Variants in TLN2 observed in about 807,000 individuals in gnomAD.
TLN2 encodes the protein talin-2.
In TLN2, 118 loss-of-function variants were observed where a neutral mutation model predicts 294.7. The observed-to-expected ratio is 0.40, with a 90% CI of 0.34 to 0.47. The LOEUF (loss-of-function observed/expected upper bound fraction) is 0.47, where lower values mean the gene tolerates loss of function less well. TLN2 is among the 20% of genes least tolerant of loss of function. TLN2 has a pLI of 0.84. For missense variants in TLN2, 3,083 were observed against 3,282.2 expected (o/e 0.94, Z 1.48); for synonymous variants, 1,431 against 1,304.5 (o/e 1.10, Z -2.09).
intron 2 of TLN2, among the ~76,000 whole-genome samples, chr15:62,598,996 C>G (rs373449393): frequency 4.6e-5 from 7 of 152,256 alleles, no homozygotes; most frequent in African/African-American, 1.7e-4. Context: ...GAATTCTTCT[C>G]TGTTTTCCCC....
At position 62,708,540 on chromosome 15, in the gene TLN2, G is replaced by C; in HGVS notation, c.2211G>C (p.Glu737Asp). The C allele has an allele frequency of 1.2e-6, 2 of 1,614,120 alleles. No individual in the cohort carries two copies. Among genetic ancestry groups the C allele is most frequent in the East Asian group, 2.2e-5 (1 of 44,878 alleles). Residue 737 changes from glutamate to aspartate, a missense_variant, in exon 21 of 59, where the codon GAG becomes GAC. By Grantham distance (45) the Glu-to-Asp change is conservative (BLOSUM62 2). Coordinates refer to ENST00000636159, the MANE Select transcript of TLN2 (RefSeq NM_015059.3). Reference protein sequence around the residue: ...SPTISSPVCQEQLIEAGKLVD... With the variant: ...SPTISSPVCQDQLIEAGKLVD... ...CTATTAGCTCCCCTGTGTGCCAGGA[G>C]CAGCTGATTGAAGCAGGGAAGCTGG...
At chr15:62,790,897 C>T (rs1001427920) in intron 45 of TLN2, among the ~76,000 whole-genome samples, 10 of 152,226 alleles carry the variant, frequency 6.6e-5, no homozygotes, top group Non-Finnish European at 1.0e-4. Flanking sequence ...GCAGAGCTGC[C>T]GTGTTGTGCA....
intron 1 of TLN2, among the ~76,000 whole-genome samples, chr15:62,550,461 G>C (rs888644992): frequency 1.3e-5 from 2 of 152,150 alleles, no homozygotes; most frequent in African/African-American, 4.8e-5. Context: ...GAATGCTCTT[G>C]AGTAACTTTG....
chr15:62,694,875 G>C (rs531630107), intron 14 of TLN2, among the ~76,000 whole-genome samples: 1 of 152,152 alleles, frequency 6.6e-6, no homozygotes, highest in Admixed American at 6.5e-5. Context: ...TAAGAATATG[G>C]ACTCAAATCT....
intron 12 of TLN2, among the ~76,000 whole-genome samples, chr15:62,689,935 A>G (rs1336540612): frequency 2.0e-4 from 1 of 5,056 alleles, no homozygotes; most frequent in African/African-American, 4.9e-4. Context: ...CGGGGGGCTG[A>G]CCCCCCCCAC....
intron 2 of TLN2, among the ~76,000 whole-genome samples, chr15:62,605,198 A>C (rs1042204060): frequency 6.6e-6 from 1 of 152,220 alleles, no homozygotes. Context: ...GAGGTGAATT[A>C]CAGTGTAGGT....
intron 9 of TLN2, among the ~76,000 whole-genome samples, chr15:62,673,563 CTCTTT>C (rs1181137372): frequency 7.3e-4 from 6 of 8,258 alleles, no homozygotes; most frequent in Admixed American, 2.5e-3. Flanking sequence ...TACTCTTGTG[CTCTTT>C]TTTTTTTTTT....
intron 11 of TLN2, among the ~76,000 whole-genome samples, chr15:62,681,578 T>A (rs2056833298): frequency 6.6e-6 from 1 of 152,168 alleles, no homozygotes; most frequent in Non-Finnish European, 1.5e-5. Flanking sequence ...GTTGGGAAGA[T>A]TGGCCTAGAA....
chr15:62,703,526 T>C (rs2058847727), intron 19 of TLN2, among the ~76,000 whole-genome samples: 1 of 152,026 alleles, frequency 6.6e-6, no homozygotes, highest in Non-Finnish European at 1.5e-5. Flanking sequence ...TGGCCAGTCT[T>C]ACTTTATCTG....
In TLN2 at chr15:62,642,926, T is replaced by C. The variant is rs1346165660; in HGVS notation, c.-36-4349T>C. On this transcript the variant is annotated intron_variant, in intron 3 of 58. Coordinates refer to ENST00000636159, the MANE Select transcript of TLN2 (RefSeq NM_015059.3). Reference sequence around the variant, plus strand: ...CATGTTGGCCAGGCTGGTCTTGAACTCCTGACCTCAGGTGATCTGCCCAAC... The same window carrying C: ...CATGTTGGCCAGGCTGGTCTTGAACCCCTGACCTCAGGTGATCTGCCCAAC... Among the ~76,000 whole-genome samples the C allele has an allele frequency of 3.3e-5, 5 of 152,322 alleles. No individual in the cohort carries two copies. The East Asian group carries it at 5.8e-4, about 18-fold the overall frequency.
chr15:62,667,256 G>C (rs577683158), intron 9 of TLN2, among the ~76,000 whole-genome samples: 1 of 152,144 alleles, frequency 6.6e-6, no homozygotes. Context: ...GTGAGCCACC[G>C]TGCCTGGCGA....
chr15:62,734,057 T>A (rs922433268), intron 28 of TLN2: 1 of 152,182 alleles, frequency 6.6e-6, no homozygotes, highest in Non-Finnish European at 1.5e-5. Context: ...CTCATCTCTC[T>A]CAAGAAGATC....
At chr15:62,680,200 A>G (rs1486492899) in intron 11 of TLN2, among the ~76,000 whole-genome samples, 9 of 152,174 alleles carry the variant, frequency 5.9e-5, no homozygotes, top group Admixed American at 5.2e-4. Flanking sequence ...ATCTATGTCT[A>G]CCAAAAGGCT....
At chr15:62,407,652 C>G (rs574515239) in intron 1 of TLN2, among the ~76,000 whole-genome samples, 1 of 152,160 alleles carries the variant, frequency 6.6e-6, no homozygotes, top group Non-Finnish European at 1.5e-5. Context: ...CGCAATGGCT[C>G]ATGCCTGTAA....
chr15:62,585,041 G>A (rs1423547029), intron 1 of TLN2, among the ~76,000 whole-genome samples: 1 of 152,180 alleles, frequency 6.6e-6, no homozygotes, highest in East Asian at 1.9e-4. Flanking sequence ...AAGCCTGAGT[G>A]TGGTGTCACA....
At chr15:62,734,305 A>G (rs148595404) in intron 28 of TLN2, among the ~76,000 whole-genome samples, 387 of 152,344 alleles carry the variant, frequency 2.5e-3, no homozygotes, top group Admixed American at 4.3e-3. Context: ...AAGAGTCCAT[A>G]TGACAAATGG....
chr15:62,625,897 G>T (rs76998113), intron 3 of TLN2, among the ~76,000 whole-genome samples: 3,252 of 152,248 alleles, frequency 0.021, 55 homozygotes, highest in Non-Finnish European at 0.032. Context: ...GCCCACTCCT[G>T]TGTGAGTGTG....
intron 9 of TLN2, among the ~76,000 whole-genome samples, chr15:62,670,823 G>A (rs1332100954): frequency 6.6e-6 from 1 of 152,180 alleles, no homozygotes; most frequent in South Asian, 2.1e-4. Context: ...CATATGTCAA[G>A]GAGCAGAATT....
At chr15:62,552,072 G>C (rs1259654405) in intron 1 of TLN2, among the ~76,000 whole-genome samples, 1 of 152,166 alleles carries the variant, frequency 6.6e-6, no homozygotes, top group Non-Finnish European at 1.5e-5. Context: ...GTCGTGGGCT[G>C]TCTTGGGCTT....
Sources: allele counts gnomAD v4.1 joint callset (sites outside exome capture counted in the v4.1 genomes callset), GRCh38; gene constraint gnomAD v4.1.1; transcripts MANE v1.5; gene names NCBI Gene and HGNC (gene_info 2026-07-23, HGNC 2026-07-21).